Variants in ARHGAP20 observed in about 807,000 individuals in gnomAD.
The protein encoded by ARHGAP20 is rho GTPase-activating protein 20.
In ARHGAP20, 34 loss-of-function variants were observed where a neutral mutation model predicts 73.7. The observed-to-expected ratio is 0.46, with a 90% CI of 0.35 to 0.61. The LOEUF is 0.61. ARHGAP20 is among the 20% of genes least tolerant of loss of function. The probability of loss-of-function intolerance (pLI) is 0.00; values close to 1 mark genes in which losing one functional copy is unlikely to be tolerated. For missense variants in ARHGAP20, 1,314 were observed against 1,420.9 expected (o/e 0.92, Z 1.21); for synonymous variants, 523 against 518.2 (o/e 1.01, Z -0.13).
chr11:110,688,370 G>C (rs1412954771), intron 2 of ARHGAP20, among the ~76,000 whole-genome samples: 3 of 152,014 alleles, frequency 2.0e-5, no homozygotes, highest in Middle Eastern at 6.8e-3. Flanking sequence ...AGTAGATTGG[G>C]GGAAGATGAC....
Position 110,653,805 on chromosome 11 carries a change from G to T in ARHGAP20, c.189-23013C>A, listed in dbSNP as rs1036907542. ...TATTGCAGCACAATAACAAAGACAT[G>T]GAATCAACTCAAATGCCTATCCATG... On this transcript the variant is annotated intron_variant, in intron 2 of 14. Coordinates refer to ENST00000683387, the MANE Select transcript of ARHGAP20 (RefSeq NM_001384657.1). Among the ~76,000 whole-genome samples, 4 of 152,018 alleles carry T rather than the reference G, an allele frequency of 2.6e-5. No homozygotes were observed. In the East Asian group the frequency reaches 7.7e-4, roughly 29 times the overall value.
chr11:110,640,678 C>T (rs1949059279), intron 2 of ARHGAP20, among the ~76,000 whole-genome samples: 1 of 139,552 alleles, frequency 7.2e-6, no homozygotes, highest in Non-Finnish European at 1.5e-5. Context: ...TTGAAATTAC[C>T]AAAGAAAATA....
chr11:110,605,835 G>T (rs1326233176), intron 9 of ARHGAP20, among the ~76,000 whole-genome samples: 1 of 152,144 alleles, frequency 6.6e-6, no homozygotes, highest in Non-Finnish European at 1.5e-5. Flanking sequence ...AAATCCATGG[G>T]TCTCCCAGTT....
intron 12 of ARHGAP20, among the ~76,000 whole-genome samples, chr11:110,584,903 GTGAATATATATA>G (rs1411463252): frequency 7.5e-6 from 1 of 134,114 alleles, no homozygotes; most frequent in Non-Finnish European, 1.6e-5. Context: ...ATGAATATAT[GTGAATATATATA>G]TGAATATATA....
chr11:110,644,962 T>G (rs1422365323), intron 2 of ARHGAP20, among the ~76,000 whole-genome samples: 6 of 151,724 alleles, frequency 4.0e-5, no homozygotes, highest in African/African-American at 1.5e-4. Context: ...ATAACCCCAT[T>G]AAAAATTTTG....
intron 4 of ARHGAP20, among the ~76,000 whole-genome samples, chr11:110,623,060 T>C (rs1227271773): frequency 6.6e-6 from 1 of 151,870 alleles, no homozygotes; most frequent in African/African-American, 2.4e-5. Flanking sequence ...TGAAAATATC[T>C]AGAGAAATCT....
chr11:110,704,315 T>A (rs2135150187), intron 1 of ARHGAP20, among the ~76,000 whole-genome samples: 1 of 152,308 alleles, frequency 6.6e-6, no homozygotes, highest in East Asian at 1.9e-4. Context: ...TTTCCAGATC[T>A]TTGATATGTG....
intron 9 of ARHGAP20, among the ~76,000 whole-genome samples, chr11:110,600,855 G>A (rs183224479): frequency 2.0e-5 from 3 of 152,276 alleles, no homozygotes; most frequent in African/African-American, 7.2e-5. Context: ...AGTCTCAGAG[G>A]GGGCCTTCTG....
intron 11 of ARHGAP20, among the ~76,000 whole-genome samples, chr11:110,587,616 T>C (rs535543709): frequency 1.3e-5 from 2 of 152,330 alleles, no homozygotes; most frequent in Admixed American, 6.5e-5. Context: ...AGCACAGTCC[T>C]AGCCATAGTA....
rs1947424908 is a variant in ARHGAP20, at chr11:110,580,462, G to A, written c.2484C>T (p.Ser828=). 6.2e-7 allele frequency: 1 copy of A among 1,613,836 alleles called. No individual in the cohort carries two copies. Among genetic ancestry groups the A allele is most frequent in the Admixed American group, 1.7e-5 (1 of 59,986 alleles). Residue 828 remains serine (S), a synonymous_variant, in exon 15 of 15, where the codon TCC becomes TCT. Coordinates refer to ENST00000683387, the MANE Select transcript of ARHGAP20 (RefSeq NM_001384657.1). The part of the protein sequence containing the change: ...QPFDVNTSGY[S]PPHTADALKG... ...TGAGGGCATCTGCTGTGTGTGGTGG[G>A]GAGTATCCAGATGTATTCACATCAA...
chr11:110,628,530 A>ATC (rs1948794039), intron 3 of ARHGAP20, among the ~76,000 whole-genome samples: 2 of 151,588 alleles, frequency 1.3e-5, no homozygotes, highest in Non-Finnish European at 2.9e-5. Flanking sequence ...TAATAATAAT[A>ATC]ATCATCATCA....
chr11:110,596,384 C>T (rs1175840740), intron 9 of ARHGAP20, among the ~76,000 whole-genome samples: 2 of 150,174 alleles, frequency 1.3e-5, no homozygotes, highest in Non-Finnish European at 3.0e-5. Context: ...AACATTTTTG[C>T]AACCTACTCA....
intron 1 of ARHGAP20, 119 bp from the exon 2 acceptor site, chr11:110,690,748 C>T (rs745933933): frequency 8.3e-5 from 83 of 1,004,522 alleles, no homozygotes; most frequent in Non-Finnish European, 1.2e-4. Flanking sequence ...GTCAAGGAGC[C>T]TACAGTTTCA....
chr11:110,627,024 T>C (rs1175084758), intron 3 of ARHGAP20, among the ~76,000 whole-genome samples: 1 of 152,138 alleles, frequency 6.6e-6, no homozygotes, highest in Non-Finnish European at 1.5e-5. Flanking sequence ...TCTCCAATAG[T>C]ATTATGACAA....
intron 2 of ARHGAP20, among the ~76,000 whole-genome samples, chr11:110,674,642 A>G (rs1340118831): frequency 6.6e-6 from 1 of 152,162 alleles, no homozygotes; most frequent in Non-Finnish European, 1.5e-5. Context: ...ATATATATAT[A>G]TGCAAATATT....
At chr11:110,682,184 T>C (rs1252679822) in intron 2 of ARHGAP20, among the ~76,000 whole-genome samples, 2 of 152,184 alleles carry the variant, frequency 1.3e-5, no homozygotes, top group Non-Finnish European at 2.9e-5. Flanking sequence ...TAATTTCCCA[T>C]CTGCTATGGT....
chr11:110,580,539 C>A lies in ARHGAP20; in HGVS notation c.2407G>T (p.Val803Leu). ...GAGGACATAGGACTATAAGATGCCA[C>A]AGAAATGGCCACTGGCTTAGACTTA... ...FPKSKPVAIS[V>L]ASYSPMSSQD... is the part of the protein sequence containing the mutation. The change falls in exon 15 of 15, where the codon GTG becomes TTG. Residue 803 changes from valine (V) to leucine (L), a missense_variant. Coordinates refer to ENST00000683387, the MANE Select transcript of ARHGAP20 (RefSeq NM_001384657.1). The A allele has an allele frequency of 1.2e-6, 2 of 1,614,196 alleles. No individual in the cohort carries two copies. The highest frequency in any genetic ancestry group is 8.5e-7 in the Non-Finnish European group (1 of 1,180,040).
intron 2 of ARHGAP20, among the ~76,000 whole-genome samples, chr11:110,653,850 T>C (rs1949410570): frequency 6.6e-6 from 1 of 152,096 alleles, no homozygotes; most frequent in Non-Finnish European, 1.5e-5. Flanking sequence ...GTAAAGAAAA[T>C]GTGGTACATA....
intron 2 of ARHGAP20, among the ~76,000 whole-genome samples, chr11:110,651,856 GAGA>G (rs1949363366): frequency 6.6e-6 from 1 of 152,054 alleles, no homozygotes; most frequent in Admixed American, 6.6e-5. Context: ...CCAAACAACT[GAGA>G]AGGAGGGACT....
Sources: allele counts gnomAD v4.1 joint callset (sites outside exome capture counted in the v4.1 genomes callset), GRCh38; gene constraint gnomAD v4.1.1; transcripts MANE v1.5; gene names NCBI Gene and HGNC (gene_info 2026-07-23, HGNC 2026-07-21).